FAM228A: variants seen among roughly 807,000 people sequenced by gnomAD.
FAM228A encodes family with sequence similarity 228 member A.
Under a neutral mutation model 18.6 loss-of-function variants are expected in FAM228A, and 13 were observed. The ratio of observed to expected loss-of-function variants is 0.70; its 90% confidence interval spans 0.45 to 1.11. The LOEUF (loss-of-function observed/expected upper bound fraction) is 1.11, where lower values mean the gene tolerates loss of function less well. Among genes scored for constraint, FAM228A ranks in the 50% least tolerant of loss-of-function variants. The probability of loss-of-function intolerance (pLI) is 0.00; values close to 1 mark genes in which losing one functional copy is unlikely to be tolerated. For missense variants in FAM228A, 240 were observed against 242.2 expected (o/e 0.99, Z 0.06); for synonymous variants, 77 against 86.6 (o/e 0.89, Z 0.61).
chr2:24,186,031 T>C (rs530578520), intron 5 of FAM228A, among the ~76,000 whole-genome samples: 1 of 152,210 alleles, frequency 6.6e-6, no homozygotes, highest in African/African-American at 2.4e-5. Context: ...CACAATATTC[T>C]TTTTATTTTT....
rs569808021 is a variant in FAM228A at position 24,191,024 on chromosome 2, T to C, written c.*393T>C. On this transcript the variant is annotated 3_prime_UTR_variant, in exon 6 of 6. Coordinates refer to ENST00000295150, the MANE Select transcript of FAM228A (RefSeq NM_001040710.3). ...CCACACACAACTGGTGGGAAGTTTT[T>C]GAAATGAAATTTATACCAAAAAATT... The C allele has an allele frequency of 1.2e-5, 12 of 1,001,682 alleles. No homozygotes were observed. Among genetic ancestry groups the C allele is most frequent in the African/African-American group, 1.7e-5 (1 of 57,896 alleles). 62.0% of individuals were successfully genotyped at this position (1,001,682 alleles called of 1,614,324 possible).
chr2:24,183,656 G>C lies in FAM228A; in HGVS notation c.401+11G>C, dbSNP rs748297020. On this transcript the variant is annotated intron_variant, in intron 5 of 5. Coordinates refer to ENST00000295150, the MANE Select transcript of FAM228A (RefSeq NM_001040710.3). ...AACTTACAAATACAGGTACAGATGA[G>C]CAGAACAAACAAATATTTGTTTAAC... The C allele has an allele frequency of 1.9e-6, 3 of 1,568,284 alleles. No individual in the cohort carries two copies. In the East Asian group the frequency reaches 6.8e-5, roughly 35 times the overall value.
intron 5 of FAM228A, among the ~76,000 whole-genome samples, chr2:24,184,553 A>G (rs1302654118): frequency 2.6e-4 from 40 of 152,052 alleles, no homozygotes; most frequent in Non-Finnish European, 1.5e-5. Context: ...ATATTCCATT[A>G]TATTTGACTA....
intron 5 of FAM228A, among the ~76,000 whole-genome samples, chr2:24,190,019 GCT>G (rs1459757296): frequency 2.6e-5 from 4 of 152,168 alleles, no homozygotes; most frequent in Non-Finnish European, 5.9e-5. Context: ...TCGTGAACCT[GCT>G]CTGTTTCTCT....
At chr2:24,182,089 C>G (rs1667829664) in intron 3 of FAM228A, among the ~76,000 whole-genome samples, 2 of 152,138 alleles carry the variant, frequency 1.3e-5, no homozygotes, top group Non-Finnish European at 2.9e-5. Flanking sequence ...ACTGGAGATA[C>G]AGGAAGGATG....
chr2:24,181,419 T>C (rs1360558756), intron 3 of FAM228A, among the ~76,000 whole-genome samples: 1 of 152,222 alleles, frequency 6.6e-6, no homozygotes, highest in East Asian at 1.9e-4. Flanking sequence ...AGTTTCGCTC[T>C]TGTTGCCCAA....
Position 24,190,554 on chromosome 2 carries a change from G to T in FAM228A, c.544G>T (p.Val182Leu). The T allele has an allele frequency of 3.7e-6, 6 of 1,613,804 alleles. No individual in the cohort carries two copies. Among genetic ancestry groups the T allele is most frequent in the Non-Finnish European group, 5.1e-6 (6 of 1,179,940 alleles). ...CAAAGTGGGTGAAAGAAAGGGTCTG[G>T]TGAGCAGAGGCCTGGGGCGGGGCTG... ...KNKVGERKGL[V>L]SRGLGRGWHA... The change falls in exon 6 of 6, where the codon GTG becomes TTG. Residue 182 changes from valine (V) to leucine (L), a missense_variant. Coordinates refer to ENST00000295150, the MANE Select transcript of FAM228A (RefSeq NM_001040710.3).
In FAM228A at chr2:24,190,665, C is replaced by A; in HGVS notation, c.*34C>A. ...CACAGCCCTCCCTGTCAGACAGGCA[C>A]CCAAGGGCGGAGGAGGCATGGCCCA... is the stretch of plus-strand genomic sequence containing the variant. On this transcript the variant is annotated 3_prime_UTR_variant, in exon 6 of 6. Transcript: ENST00000295150. 3 of 1,510,358 alleles carry A rather than the reference C, an allele frequency of 2.0e-6. No individual in the cohort carries two copies. The highest frequency in any genetic ancestry group is 1.4e-5 in the African/African-American group (1 of 71,622). The allele number at this position is 1,510,358 out of a possible 1,614,324, so 93.6% of individuals were successfully genotyped here.
chr2:24,180,435 G>A (rs1306906423), intron 3 of FAM228A, among the ~76,000 whole-genome samples: 1 of 152,184 alleles, frequency 6.6e-6, no homozygotes, highest in African/African-American at 2.4e-5. Context: ...CTGAGTGACA[G>A]TGAGACCCTA....
At chr2:24,184,649 C>G (rs9309246) in intron 5 of FAM228A, among the ~76,000 whole-genome samples, 127,632 of 152,154 alleles carry the variant, frequency 0.84, 55,115 homozygotes, top group Non-Finnish European at 0.93. Context: ...TTGGTATTTT[C>G]GTTTCCACAA....
intron 2 of FAM228A, among the ~76,000 whole-genome samples, chr2:24,177,542 A>ATT (rs5829919): frequency 1.5e-4 from 23 of 151,776 alleles, no homozygotes; most frequent in Non-Finnish European, 2.6e-4. Flanking sequence ...GCTATCAGGG[A>ATT]TTTTTTTTAA....
Position 24,190,665 on chromosome 2 carries a change from C to T in FAM228A, c.*34C>T, listed in dbSNP as rs1298752907. ...CACAGCCCTCCCTGTCAGACAGGCA[C>T]CCAAGGGCGGAGGAGGCATGGCCCA... is the stretch of plus-strand genomic sequence containing the variant. On this transcript the variant is annotated 3_prime_UTR_variant, in exon 6 of 6. Coordinates refer to ENST00000295150, the MANE Select transcript of FAM228A (RefSeq NM_001040710.3). The T allele has an allele frequency of 1.8e-5, 27 of 1,510,358 alleles. No individual in the cohort carries two copies. Among genetic ancestry groups the T allele is most frequent in the Non-Finnish European group, 2.4e-5 (27 of 1,131,332 alleles). 93.6% of individuals were successfully genotyped at this position (1,510,358 alleles called of 1,614,324 possible). A position where few individuals can be genotyped will look rare whatever the true frequency, so the allele number is the denominator to read the frequency against.
At position 24,191,050 on chromosome 2, in the gene FAM228A, A is replaced by C; in HGVS notation, c.*419A>C. On this transcript the variant is annotated 3_prime_UTR_variant, in exon 6 of 6. Transcript: ENST00000295150. ...GAAATGAAATTTATACCAAAAAATT[A>C]GGGCAAGATGAGATTTTTTGATATT... is the stretch of plus-strand genomic sequence containing the variant. 1.0e-6 allele frequency: 1 copy of C among 991,948 alleles called. No homozygotes were observed. The highest frequency in any genetic ancestry group is 1.7e-5 in the African/African-American group (1 of 57,632). The allele number at this position is 991,948 out of a possible 1,614,324, so 61.4% of individuals were successfully genotyped here. A position where few individuals can be genotyped will look rare whatever the true frequency, so the allele number is the denominator to read the frequency against.
intron 2 of FAM228A, chr2:24,175,860 C>A: frequency 8.6e-7 from 1 of 1,165,636 alleles, no homozygotes; most frequent in South Asian, 2.1e-5. Flanking sequence ...CCAGTCAATT[C>A]TGCATACTTC....
At chr2:24,184,972 G>A (rs1183355537) in intron 5 of FAM228A, among the ~76,000 whole-genome samples, 6 of 151,870 alleles carry the variant, frequency 4.0e-5, no homozygotes, top group East Asian at 1.9e-4. Flanking sequence ...ACAGGTGTGC[G>A]CCACCACACC....
At chr2:24,176,200 C>T (rs1667688029) in intron 2 of FAM228A, 9 of 983,992 alleles carry the variant, frequency 9.1e-6, no homozygotes, top group African/African-American at 1.7e-5. Flanking sequence ...AACAATCTTA[C>T]TAGGATGTTC....
At chr2:24,190,363 A>G in intron 5 of FAM228A, 49 bp from the exon 6 acceptor site, 1 of 1,528,078 alleles carries the variant, frequency 6.5e-7, no homozygotes, top group Non-Finnish European at 8.8e-7. Flanking sequence ...TTGATGGTAC[A>G]ATTCCATCTG....
chr2:24,188,880 T>G (rs2151049196), intron 5 of FAM228A, among the ~76,000 whole-genome samples: 1 of 152,238 alleles, frequency 6.6e-6, no homozygotes, highest in South Asian at 2.1e-4. Context: ...TGTTATACAC[T>G]CTCAATATTT....
intron 4 of FAM228A, 41 bp downstream of exon 4, chr2:24,183,413 A>AT (rs1558403975): frequency 6.2e-7 from 1 of 1,607,684 alleles, no homozygotes; most frequent in South Asian, 1.1e-5. Flanking sequence ...TGAGACTGCT[A>AT]ATTGTCCAGT....
Sources: gnomAD v4.1 joint callset for allele counts (sites outside exome capture counted in the v4.1 genomes callset) on GRCh38, gnomAD v4.1.1 for gene constraint, MANE v1.5 for transcripts, NCBI Gene and HGNC (gene_info 2026-07-23, HGNC 2026-07-21) for gene names.